WNK1: variants seen among roughly 807,000 people sequenced by gnomAD.
The protein encoded by WNK1 is WNK lysine deficient protein kinase 1.
Under a neutral mutation model 222.8 loss-of-function variants are expected in WNK1, and 38 were observed. The observed-to-expected ratio is 0.17, with a 90% confidence interval of 0.13 to 0.22. WNK1 has a LOEUF of 0.22. Ranked by LOEUF, WNK1 falls within the 10% of genes least tolerant of loss-of-function variation. The pLI, the probability that WNK1 is intolerant of heterozygous loss-of-function variation, is 1.00. For synonymous variants in WNK1, 1,090 were observed against 1,092.9 expected, an observed-to-expected ratio of 1.00 and a Z score of 0.05; for missense variants, 2,348 against 2,918.4, an observed-to-expected ratio of 0.80 and a Z score of 4.50.
intron 14 of WNK1, among the ~76,000 whole-genome samples, chr12:882,568 G>A (rs1192083291): frequency 1.3e-5 from 2 of 152,102 alleles, no homozygotes; most frequent in African/African-American, 2.4e-5. Flanking sequence ...AAATGAAAAG[G>A]TAGTTCATAA....
At chr12:800,278 C>A (rs1945745392) in intron 1 of WNK1, among the ~76,000 whole-genome samples, 1 of 152,096 alleles carries the variant, frequency 6.6e-6, no homozygotes, top group African/African-American at 2.4e-5. Context: ...CCAGACACAT[C>A]CTACTTTTGC....
At chr12:810,400 CAT>C (rs1946801250) in intron 1 of WNK1, among the ~76,000 whole-genome samples, 1 of 152,172 alleles carries the variant, frequency 6.6e-6, no homozygotes, top group African/African-American at 2.4e-5. Flanking sequence ...GTAGAGTTAT[CAT>C]GTGTGGTCTT....
At position 910,306 on chromosome 12, in the gene WNK1, GA is replaced by G. The variant is rs1488080742; in HGVS notation, c.*1516del. 4.6e-5 allele frequency: 7 copies of G among 152,104 alleles called. No individual in the cohort carries two copies. The highest frequency in any genetic ancestry group is 1.7e-4 in the African/African-American group (7 of 41,392). The allele number at this position is 152,104 out of a possible 1,614,324, so 9.4% of individuals were successfully genotyped here. The stretch of plus-strand genomic sequence containing the variant: ...TTAATCTATCTATCTTTCCACATCT[GA>G]ATTAATCATTCTAGGAAAGAATACT... On this transcript the variant is annotated 3_prime_UTR_variant, in exon 28 of 28. Transcript: ENST00000315939.
chr12:775,012 T>C (rs1942941906), intron 1 of WNK1, among the ~76,000 whole-genome samples: 1 of 152,194 alleles, frequency 6.6e-6, no homozygotes, highest in Non-Finnish European at 1.5e-5. Context: ...ATTCTGTTTT[T>C]CTTTTTTTCA....
Position 753,768 on chromosome 12 carries a change from C to T in WNK1, c.203C>T (p.Ala68Val). 6.2e-7 allele frequency: 1 copy of T among 1,612,374 alleles called. No individual in the cohort carries two copies. The highest frequency in any genetic ancestry group is 8.5e-7 in the Non-Finnish European group (1 of 1,179,928). ...RHTMDKDSRG[A>V]AATTTTTEHR... Reference sequence around the variant, plus strand: ...ACTATGGACAAGGACAGCCGTGGGGCGGCCGCGACCACTACCACCACTGAG... The same window carrying T: ...ACTATGGACAAGGACAGCCGTGGGGTGGCCGCGACCACTACCACCACTGAG... The change falls in exon 1 of 28, where the codon GCG (alanine) becomes GTG (valine). Residue 68 changes from alanine (A) to valine (V), a missense_variant. Ala to Val is a moderately conservative substitution (Grantham distance 64). Around this residue, in one of 13 missense-constraint regions of WNK1, gnomAD observed 108 missense variants for 109.7 expected, o/e 0.98. Transcript: ENST00000315939. This position sits in a 1 kb window ranked among gnomAD's most constrained non-coding sequence, Gnocchi z 5.2.
intron 1 of WNK1, among the ~76,000 whole-genome samples, chr12:810,907 T>G (rs2154006812): frequency 6.6e-6 from 1 of 152,258 alleles, no homozygotes; most frequent in South Asian, 2.1e-4. Context: ...GAACTGTGCA[T>G]GTTATGAAGA....
In WNK1 at chr12:896,597, G is replaced by A. The variant is rs1273114507; in HGVS notation, c.6110G>A (p.Ser2037Asn). 1 of 1,609,462 alleles carries A rather than the reference G, an allele frequency of 6.2e-7. No homozygotes were observed. Residue 2037 changes from serine to asparagine, a missense_variant, in exon 24 of 28, where the codon AGC (serine) becomes AAC (asparagine). Transcript: ENST00000315939. ...AGTCCACACTCGCCCCATCAGCTGAGCTCAAAGAGCCTTCCTAGCCAGAAT... is the reference window on the plus strand; with the variant it reads ...AGTCCACACTCGCCCCATCAGCTGAACTCAAAGAGCCTTCCTAGCCAGAAT... ...SGSPHSPHQL[S>N]SKSLPSQNLS... is the part of the protein sequence containing the mutation.
At chr12:830,863 A>C (rs548576290) in intron 4 of WNK1, among the ~76,000 whole-genome samples, 1 of 152,256 alleles carries the variant, frequency 6.6e-6, no homozygotes, top group Non-Finnish European at 1.5e-5. Flanking sequence ...CATTGTTTCA[A>C]AAATGTCCGT....
Position 862,107 on chromosome 12 carries a change from A to G in WNK1, c.1976A>G (p.Gln659Arg). Reference protein sequence around the residue: ...VLSDGTVDSGQGSSVFTESRV... With the variant: ...VLSDGTVDSGRGSSVFTESRV... ...GCTGATGGGACGGTTGACAGTGGTC[A>G]GGGATCCTCTGTCTTCACAGAATCT... Residue 659 changes from glutamine (Q) to arginine (R), a missense_variant, in exon 8 of 28, where the codon CAG becomes CGG. Physicochemically the swap from Gln to Arg is conservative, Grantham distance 43 (BLOSUM62 1). Coordinates refer to ENST00000315939, the MANE Select transcript of WNK1 (RefSeq NM_018979.4). 2 of 1,613,956 alleles carry G rather than the reference A, an allele frequency of 1.2e-6. No homozygotes were observed. Among genetic ancestry groups the G allele is most frequent in the Non-Finnish European group, 1.7e-6 (2 of 1,179,952 alleles).
At chr12:868,092 G>A (rs1424206982) in intron 8 of WNK1, 4 of 1,613,848 alleles carry the variant, frequency 2.5e-6, no homozygotes, top group Non-Finnish European at 2.5e-6. Flanking sequence ...CCACCTGGTG[G>A]CAGCCCAACT....
Position 884,603 on chromosome 12 carries a change from T to G in WNK1, c.3845-46T>G. 6.3e-7 allele frequency: 1 copy of G among 1,576,740 alleles called. No individual in the cohort carries two copies. Among genetic ancestry groups the G allele is most frequent in the Non-Finnish European group, 8.7e-7 (1 of 1,146,952 alleles). ...GCTAGCAGACAATCTTTTGAATCCA[T>G]CCTTTTAAAATCAGCTGATTCTTAT... On this transcript the variant is annotated intron_variant, in intron 18 of 27. Transcript: ENST00000315939. This position sits in a 1 kb window ranked among gnomAD's most constrained non-coding sequence, Gnocchi z 5.6.
rs541527227 is a variant in WNK1 at position 883,728 on chromosome 12, T to A, written c.3664-46T>A. On this transcript the variant is annotated intron_variant, in intron 16 of 27. Transcript: ENST00000315939. ...GTGGCAGTTTGCTTTGCCTAGTCAT[T>A]GAGATTGCATTTGAGAATGTATTTA... The A allele has an allele frequency of 2.9e-5, 46 of 1,610,486 alleles. No homozygotes were observed. In the South Asian group the frequency reaches 3.8e-4, roughly 13 times the overall value.
At chr12:853,059 T>G (rs1343875001) in intron 4 of WNK1, among the ~76,000 whole-genome samples, 2 of 152,206 alleles carry the variant, frequency 1.3e-5, no homozygotes, top group African/African-American at 4.8e-5. Context: ...TAAGCAGTCT[T>G]AATCTTTTAA....
chr12:839,884 ATTTTTTTT>A (rs781052888), intron 4 of WNK1, among the ~76,000 whole-genome samples: 2 of 128,434 alleles, frequency 1.6e-5, no homozygotes, highest in South Asian at 5.1e-4. Flanking sequence ...TGCCTGGCTA[ATTTTTTTT>A]TTTTTTTTTT....
intron 1 of WNK1, among the ~76,000 whole-genome samples, chr12:774,262 C>T (rs764134390): frequency 3.7e-4 from 57 of 152,198 alleles, no homozygotes; most frequent in Non-Finnish European, 7.6e-4. Context: ...CTCCCTGCAG[C>T]TCCCAAGGAG....
chr12:893,083 C>T (rs912352243), intron 22 of WNK1, among the ~76,000 whole-genome samples: 1 of 152,020 alleles, frequency 6.6e-6, no homozygotes, highest in African/African-American at 2.4e-5. Flanking sequence ...AGTGAGACCC[C>T]CATCTCTGCA....
chr12:835,950 T>TA lies in WNK1; in HGVS notation c.1311+5805dup, dbSNP rs58030405. Among the ~76,000 whole-genome samples the TA allele has an allele frequency of 6.5e-3, 911 of 140,782 alleles. 4 individuals are homozygous for TA. Among genetic ancestry groups the TA allele is most frequent in the African/African-American group, 0.011 (429 of 38,426 alleles). The allele number at this position is 140,782 out of a possible 152,430, so 92.4% of individuals were successfully genotyped here. ...GCCTGGGTGACAGCAAGACTTGGTC[T>TA]AAAAAAAAAAAAAAATTGATAACTC... On this transcript the variant is annotated intron_variant, in intron 4 of 27. Transcript: ENST00000315939.
chr12:802,639 CTTAA>C (rs1387588267), intron 1 of WNK1, among the ~76,000 whole-genome samples: 5 of 151,944 alleles, frequency 3.3e-5, no homozygotes, highest in Non-Finnish European at 7.4e-5. Context: ...AAATCCTTTA[CTTAA>C]TTTTCAGTTT....
chr12:823,405 T>C (rs1008042013), intron 2 of WNK1, among the ~76,000 whole-genome samples: 1 of 152,226 alleles, frequency 6.6e-6, no homozygotes, highest in Non-Finnish European at 1.5e-5. Flanking sequence ...GGACTCCCAT[T>C]GTGTATATTT....
Sources: allele counts gnomAD v4.1 joint callset (sites outside exome capture counted in the v4.1 genomes callset), GRCh38; gene constraint gnomAD v4.1.1; regional missense constraint gnomAD v4.1.1; non-coding constraint Gnocchi (gnomAD v3.1); transcripts MANE v1.5; gene names NCBI Gene and HGNC (gene_info 2026-07-23, HGNC 2026-07-21).